WDR5: variants seen among roughly 807,000 people sequenced by gnomAD.
WDR5 encodes WD repeat domain 5.
For missense variants in WDR5, 187 were observed against 416.9 expected (o/e 0.45, Z 4.80); for synonymous variants, 144 against 161.6 (o/e 0.89, Z 0.83).
chr9:134,138,057 G>T (rs1367286458), intron 1 of WDR5, among the ~76,000 whole-genome samples: 5 of 152,192 alleles, frequency 3.3e-5, no homozygotes, highest in African/African-American at 1.2e-4. Context: ...ATTCTTAAAA[G>T]TCAAGTTAAG....
chr9:134,136,268 A>G (rs905008638), intron 1 of WDR5, 68 bp downstream of exon 1: 1 of 147,380 alleles, frequency 6.8e-6, no homozygotes, highest in Non-Finnish European at 1.5e-5. Flanking sequence ...AAGCTTCCAA[A>G]CCGCACCCGG....
chr9:134,159,402 G>A lies in WDR5; in HGVS notation c.*1409G>A, dbSNP rs1298566160. 1 of 152,468 alleles carries A rather than the reference G, an allele frequency of 6.6e-6. No individual in the cohort carries two copies. Among genetic ancestry groups the A allele is most frequent in the Non-Finnish European group, 1.5e-5 (1 of 68,266 alleles). 9.4% of individuals were successfully genotyped at this position (152,468 alleles called of 1,614,324 possible). A position where few individuals can be genotyped will look rare whatever the true frequency, so the allele number is the denominator to read the frequency against. ...AGCCCAGCCAGCTCTGCCTCTCTCA[G>A]GGCCTGGAGTCCTGGGGGAGCTCAG... On this transcript the variant is annotated 3_prime_UTR_variant, in exon 14 of 14. Coordinates refer to ENST00000358625, the MANE Select transcript of WDR5 (RefSeq NM_017588.3). This position sits in a 1 kb window ranked among gnomAD's most constrained non-coding sequence, Gnocchi z 4.3.
intron 7 of WDR5, among the ~76,000 whole-genome samples, chr9:134,147,446 T>G (rs1481892563): frequency 1.3e-5 from 2 of 152,162 alleles, no homozygotes; most frequent in Non-Finnish European, 2.9e-5. Context: ...GGAGACATTT[T>G]TGGTTGTCAG....
chr9:134,135,649 A>G (rs1181311086), upstream of WDR5: 1 of 151,960 alleles, frequency 6.6e-6, no homozygotes, highest in East Asian at 2.0e-4. Flanking sequence ...GTGCTTTCCA[A>G]ATGCCCACTG....
intron 8 of WDR5, among the ~76,000 whole-genome samples, chr9:134,149,909 G>A (rs1476562702): frequency 5.3e-5 from 8 of 152,178 alleles, no homozygotes; most frequent in Non-Finnish European, 1.2e-4. Flanking sequence ...CTCCTAAAGG[G>A]GCCCTGGGTA....
In WDR5 at chr9:134,158,620, C is replaced by T. The variant is rs1001808134; in HGVS notation, c.*627C>T. 2.6e-5 allele frequency: 4 copies of T among 152,302 alleles called. No individual in the cohort carries two copies. Among genetic ancestry groups the T allele is most frequent in the East Asian group, 1.9e-4 (1 of 5,194 alleles). The allele number at this position is 152,302 out of a possible 1,614,324, so 9.4% of individuals were successfully genotyped here. On this transcript the variant is annotated 3_prime_UTR_variant, in exon 14 of 14. Transcript: ENST00000358625. ...GCACGGTCATCGCACATGACTCTCC[C>T]GTTTGTCTCAGTGTCCCTGCAACAA...
rs1320988405 is a variant in WDR5, at chr9:134,159,075, C to G, written c.*1082C>G. The G allele has an allele frequency of 6.6e-6, 1 of 151,536 alleles. No individual in the cohort carries two copies. Among genetic ancestry groups the G allele is most frequent in the Admixed American group, 6.6e-5 (1 of 15,256 alleles). 9.4% of individuals were successfully genotyped at this position (151,536 alleles called of 1,614,324 possible). On this transcript the variant is annotated 3_prime_UTR_variant, in exon 14 of 14. Transcript: ENST00000358625. This position sits in a 1 kb window ranked among gnomAD's most constrained non-coding sequence, Gnocchi z 4.3. The stretch of plus-strand genomic sequence containing the variant: ...GTTGGGTGCTAAGCGCGAGCCTCGC[C>G]GTCCCTGCTGGAGCCCTCGCCTGCC...
In WDR5 at chr9:134,152,506, C is replaced by T. The variant is rs1459250958; in HGVS notation, c.631+477C>T. 2.0e-5 allele frequency among the ~76,000 whole-genome samples: 3 copies of T among 152,188 alleles called. No individual in the cohort carries two copies. In the East Asian group the frequency reaches 5.8e-4, roughly 29 times the overall value. On this transcript the variant is annotated intron_variant, in intron 9 of 13. Transcript: ENST00000358625. ...ACGTGGCGTGGCCTGGATGGGAAGG[C>T]CAGGTGCTGGGCAGGGTGTGGCCTG...
rs1831948331 is a variant in WDR5, at chr9:134,142,567, G to C, written c.445-69G>C. 4.4e-6 allele frequency: 7 copies of C among 1,580,160 alleles called. No individual in the cohort carries two copies. In the South Asian group the frequency reaches 7.8e-5, roughly 18 times the overall value. On this transcript the variant is annotated intron_variant, in intron 6 of 13. Coordinates refer to ENST00000358625, the MANE Select transcript of WDR5 (RefSeq NM_017588.3). ...TGTGGGGAGGATGGGCTGATAGCAG[G>C]TCTTAGGTTCTGGGGAGGTTTGTCC...
intron 7 of WDR5, 87 bp from the exon 8 acceptor site, chr9:134,148,186 CTTTTTTTTTTTTTTT>C (rs34443303): frequency 1.7e-5 from 5 of 285,734 alleles, no homozygotes; most frequent in African/African-American, 1.6e-4. Context: ...ATAACTCAGT[CTTTTTTTTTTTTTTT>C]TTTTTTTTTT....
rs145614473 is a variant in WDR5 at position 134,143,045 on chromosome 9, G to C, written c.528+326G>C. On this transcript the variant is annotated intron_variant, in intron 7 of 13. Coordinates refer to ENST00000358625, the MANE Select transcript of WDR5 (RefSeq NM_017588.3). ...TACCCTGAACTGATGCACGGGACAG[G>C]AAGGGCGGCCAGGCTGGGAAGGGCA... Among the ~76,000 whole-genome samples the C allele has an allele frequency of 8.9e-3, 1,347 of 151,844 alleles. 12 individuals are homozygous for C. The highest frequency in any genetic ancestry group is 0.014 in the Non-Finnish European group (971 of 67,986).
At chr9:134,152,097 G>A (rs540803574) in intron 9 of WDR5, 68 bp downstream of exon 9, 2 of 1,549,788 alleles carry the variant, frequency 1.3e-6, no homozygotes, top group Non-Finnish European at 1.8e-6. Flanking sequence ...CACTGCCCCT[G>A]TTCTTCACCA....
At position 134,142,463 on chromosome 9, in the gene WDR5, C is replaced by T. The variant is rs377482801; in HGVS notation, c.444+41C>T. Reference sequence around the variant, plus strand: ...GTGTCTTCCCTGGGGGAGGTGGTGTCGGATGTGGGAAGGCTGTTGAATTTG... The same window carrying T: ...GTGTCTTCCCTGGGGGAGGTGGTGTTGGATGTGGGAAGGCTGTTGAATTTG... On this transcript the variant is annotated intron_variant, in intron 6 of 13. Transcript: ENST00000358625. 9.7e-5 allele frequency: 156 copies of T among 1,605,888 alleles called. No homozygotes were observed. In the Middle Eastern group the frequency reaches 3.8e-3, roughly 39 times the overall value.
Position 134,157,793 on chromosome 9 carries a change from G to A in WDR5, c.905-100G>A, listed in dbSNP as rs757554937. The stretch of plus-strand genomic sequence containing the variant: ...GTGACCTCCCAGGTGGCGGGCAGGC[G>A]CTACCCGCGTTTCTGGAGAAAGGTG... On this transcript the variant is annotated intron_variant, in intron 13 of 13. Transcript: ENST00000358625. This position sits in a 1 kb window ranked among gnomAD's most constrained non-coding sequence, Gnocchi z 5.0. 1.4e-4 allele frequency: 164 copies of A among 1,140,702 alleles called. No homozygotes were observed. Among genetic ancestry groups the A allele is most frequent in the Non-Finnish European group, 1.9e-4 (150 of 777,628 alleles). The allele number at this position is 1,140,702 out of a possible 1,614,324, so 70.7% of individuals were successfully genotyped here. A position where few individuals can be genotyped will look rare whatever the true frequency, so the allele number is the denominator to read the frequency against.
At chr9:134,152,605 C>A (rs531604472) in intron 9 of WDR5, among the ~76,000 whole-genome samples, 1 of 152,190 alleles carries the variant, frequency 6.6e-6, no homozygotes, top group Non-Finnish European at 1.5e-5. Context: ...GGTTTTCATC[C>A]GGGGAGTGTT....
At chr9:134,154,104 C>A (rs1182182382) in intron 9 of WDR5, among the ~76,000 whole-genome samples, 1 of 152,190 alleles carries the variant, frequency 6.6e-6, no homozygotes, top group Non-Finnish European at 1.5e-5. Flanking sequence ...CCCCAGCCCT[C>A]TTTGCTGCTG....
chr9:134,149,894 C>G (rs1473784762), intron 8 of WDR5, among the ~76,000 whole-genome samples: 2 of 152,164 alleles, frequency 1.3e-5, no homozygotes, highest in African/African-American at 4.8e-5. Flanking sequence ...CGAGCTCGGC[C>G]ACAGCTCCTA....
At chr9:134,155,224 C>T (rs901830806) in intron 10 of WDR5, 116 bp from the exon 11 acceptor site, 19 of 1,283,742 alleles carry the variant, frequency 1.5e-5, no homozygotes, top group African/African-American at 7.7e-5. Context: ...GTTCCAGCCC[C>T]GCTGGCTTTT....
chr9:134,154,368 T>C, intron 9 of WDR5, 98 bp from the exon 10 acceptor site: 5 of 1,271,762 alleles, frequency 3.9e-6, no homozygotes, highest in Non-Finnish European at 5.7e-6. Flanking sequence ...CCGACCTCAC[T>C]CAGATGTCGC....
Sources: allele counts gnomAD v4.1 joint callset (sites outside exome capture counted in the v4.1 genomes callset), GRCh38; gene constraint gnomAD v4.1.1; non-coding constraint Gnocchi (gnomAD v3.1); transcripts MANE v1.5; gene names NCBI Gene and HGNC (gene_info 2026-07-23, HGNC 2026-07-21).